Variants in ACER3 observed in about 807,000 individuals in gnomAD.
The protein encoded by ACER3 is alkaline ceramidase 3.
ACER3 carries 16 observed loss-of-function variants against 48.9 expected under a neutral mutation model. That is an observed-to-expected ratio of 0.33 (90% CI 0.22 to 0.50). The LOEUF is 0.50. Ranked by LOEUF, ACER3 falls within the 20% of genes least tolerant of loss-of-function variation. ACER3 has a pLI of 0.98. For missense variants in ACER3, 227 were observed against 326.0 expected (o/e 0.70, Z 2.34); for synonymous variants, 109 against 107.8 (o/e 1.01, Z -0.07).
intron 1 of ACER3, among the ~76,000 whole-genome samples, chr11:76,867,667 A>T (rs1945130485): frequency 6.6e-6 from 1 of 152,142 alleles, no homozygotes; most frequent in African/African-American, 2.4e-5. Flanking sequence ...AAAAAATAAA[A>T]ATAAATAAAT....
intron 2 of ACER3, among the ~76,000 whole-genome samples, chr11:76,940,085 C>A (rs1947296511): frequency 1.3e-5 from 2 of 152,142 alleles, no homozygotes; most frequent in Non-Finnish European, 2.9e-5. Context: ...ATGCTCTCTG[C>A]AACTTACTTT....
intron 2 of ACER3, among the ~76,000 whole-genome samples, chr11:76,936,721 CTT>C (rs11428910): frequency 1.4e-5 from 2 of 143,330 alleles, no homozygotes. Flanking sequence ...TTCTTTCTTT[CTT>C]TTTTTTTTTT....
In ACER3 at chr11:77,015,068, T is replaced by C. The variant is rs1309946101; in HGVS notation, c.550T>C (p.Leu184=). The change falls in exon 8 of 11, where the codon TTG becomes CTG. Residue 184 remains leucine, a synonymous_variant. Transcript: ENST00000532485. ...TTATACATCATTGGGTATATTTTTA[T>C]TGGGATTTTTATTTTGGAATATAGA... ...LGYTSLGIFL[L]GFLFWNIDNI... is the part of the protein sequence containing the mutation. 3 of 1,599,484 alleles carry C rather than the reference T, an allele frequency of 1.9e-6. No individual in the cohort carries two copies. Among genetic ancestry groups the C allele is most frequent in the African/African-American group, 2.7e-5 (2 of 74,632 alleles).
intron 3 of ACER3, among the ~76,000 whole-genome samples, chr11:76,965,279 G>A (rs1254995486): frequency 2.0e-5 from 3 of 151,218 alleles, no homozygotes; most frequent in Non-Finnish European, 4.4e-5. Context: ...AAAAAGAAAC[G>A]AACAAAGCCT....
chr11:76,918,544 G>A (rs917010419), intron 1 of ACER3, among the ~76,000 whole-genome samples: 1 of 151,258 alleles, frequency 6.6e-6, no homozygotes, highest in Non-Finnish European at 1.5e-5. Flanking sequence ...AGTTATGTGG[G>A]GTTTTTTTTC....
intron 3 of ACER3, among the ~76,000 whole-genome samples, chr11:76,967,380 C>G (rs554404985): frequency 1.2e-4 from 18 of 152,266 alleles, no homozygotes; most frequent in African/African-American, 4.3e-4. Flanking sequence ...ACCAGAGGTA[C>G]AAGGAGAAGC....
chr11:77,019,833 G>A (rs550027329), intron 10 of ACER3, 57 bp downstream of exon 10: 22 of 1,552,510 alleles, frequency 1.4e-5, no homozygotes, highest in Non-Finnish European at 1.8e-5. Context: ...TGGGAGTATA[G>A]GATGGAGGTG....
intron 7 of ACER3, among the ~76,000 whole-genome samples, chr11:77,010,163 A>AAAT (rs59504202): frequency 0.16 from 23,005 of 146,188 alleles, 2,308 homozygotes; most frequent in East Asian, 0.33. Context: ...TCTCTACCAG[A>AAAT]AATAATAATA....
chr11:76,910,249 G>A (rs1050927685), intron 1 of ACER3, among the ~76,000 whole-genome samples: 1 of 152,046 alleles, frequency 6.6e-6, no homozygotes, highest in Non-Finnish European at 1.5e-5. Context: ...TTCTGCACAT[G>A]TGTCCCAGTA....
chr11:76,875,723 G>C (rs1262672402), intron 1 of ACER3, among the ~76,000 whole-genome samples: 4 of 116,228 alleles, frequency 3.4e-5, no homozygotes, highest in African/African-American at 1.4e-4. Context: ...GTAATACACA[G>C]TTTTTGTTGT....
intron 3 of ACER3, among the ~76,000 whole-genome samples, chr11:76,967,695 T>C (rs1056021536): frequency 6.6e-6 from 1 of 152,192 alleles, no homozygotes. Context: ...AAAAACCACA[T>C]GGTTATCACA....
intron 1 of ACER3, among the ~76,000 whole-genome samples, chr11:76,907,946 A>G (rs1327650637): frequency 6.6e-6 from 1 of 150,410 alleles, no homozygotes; most frequent in Non-Finnish European, 1.5e-5. Flanking sequence ...TATACAAATT[A>G]TAATTTTTGC....
At chr11:76,991,892 A>T (rs1948812212) in intron 6 of ACER3, among the ~76,000 whole-genome samples, 1 of 151,776 alleles carries the variant, frequency 6.6e-6, no homozygotes, top group Non-Finnish European at 1.5e-5. Context: ...TGATGCCATT[A>T]TGTAATTACT....
intron 2 of ACER3, among the ~76,000 whole-genome samples, chr11:76,928,890 A>G (rs1354034061): frequency 1.3e-5 from 2 of 152,222 alleles, no homozygotes; most frequent in East Asian, 3.9e-4. Flanking sequence ...GAAGTCAGGT[A>G]GAGTGATGCC....
chr11:77,003,266 A>G (rs1949070235), intron 7 of ACER3, among the ~76,000 whole-genome samples: 1 of 152,020 alleles, frequency 6.6e-6, no homozygotes, highest in Non-Finnish European at 1.5e-5. Flanking sequence ...TATTCAAATG[A>G]TTGATTTTGG....
At chr11:77,019,594 C>G (rs1274548692) in intron 9 of ACER3, 137 bp from the exon 10 acceptor site, 2 of 726,204 alleles carry the variant, frequency 2.8e-6, no homozygotes, top group African/African-American at 3.6e-5. Context: ...AAAACAGTTG[C>G]TGAACAAATG....
chr11:76,923,058 G>A (rs974567375), intron 1 of ACER3, among the ~76,000 whole-genome samples: 1 of 151,424 alleles, frequency 6.6e-6, no homozygotes, highest in Non-Finnish European at 1.5e-5. Context: ...TCTAGATAAT[G>A]CTAAACAACT....
chr11:76,994,800 G>A (rs1376132035), intron 6 of ACER3, among the ~76,000 whole-genome samples: 8 of 152,174 alleles, frequency 5.3e-5, no homozygotes, highest in Non-Finnish European at 4.4e-5. Context: ...GCTGGCCCTA[G>A]CTATAGGAGA....
At chr11:76,871,150 TACTC>T (rs1416953771) in intron 1 of ACER3, among the ~76,000 whole-genome samples, 2 of 152,246 alleles carry the variant, frequency 1.3e-5, no homozygotes, top group Non-Finnish European at 2.9e-5. Context: ...AGTGCATTCT[TACTC>T]TCTCTCTTCC....
Sources: allele counts gnomAD v4.1 joint callset (sites outside exome capture counted in the v4.1 genomes callset), GRCh38; gene constraint gnomAD v4.1.1; transcripts MANE v1.5; gene names NCBI Gene and HGNC (gene_info 2026-07-23, HGNC 2026-07-21).